Variants in XRCC6 observed in about 807,000 individuals in gnomAD.
The protein encoded by XRCC6 is X-ray repair cross complementing 6, also known as DNA repair protein Ku70.
In XRCC6, 5 loss-of-function variants were observed where a neutral mutation model predicts 65.7. The ratio of observed to expected loss-of-function variants is 0.08; its 90% CI spans 0.04 to 0.16. The LOEUF (loss-of-function observed/expected upper bound fraction) is 0.16. XRCC6 is among the 10% of genes least tolerant of loss of function. The pLI, the probability that XRCC6 is intolerant of heterozygous loss-of-function variation, is 1.00. For synonymous variants in XRCC6, 270 were observed against 270.6 expected (o/e 1.00, Z 0.02); for missense variants, 447 against 738.1 (o/e 0.61, Z 4.57).
Position 41,646,921 on chromosome 22 carries a change from A to G in XRCC6, c.799A>G (p.Ile267Val), listed in dbSNP as rs1283082601. The G allele has an allele frequency of 1.2e-6, 2 of 1,613,162 alleles. No individual in the cohort carries two copies. Among genetic ancestry groups the G allele is most frequent in the Admixed American group, 3.4e-5 (2 of 59,688 alleles). ...GTTAAAGCTGAAGCTCAACAAAGAT[A>G]TAGTGATCTCTGTGGGCATTTATAA... is the stretch of plus-strand genomic sequence containing the variant. ...SRLKLKLNKDIVISVGIYNLV... is the reference protein window; with the variant it reads ...SRLKLKLNKDVVISVGIYNLV... Residue 267 changes from isoleucine to valine, a missense_variant, in exon 7 of 13, where the codon ATA (isoleucine) becomes GTA (valine). By Grantham distance (29) the Ile-to-Val change is conservative. Transcript: ENST00000360079.
intron 3 of XRCC6, among the ~76,000 whole-genome samples, chr22:41,631,994 G>A (rs548775067): frequency 7.2e-5 from 11 of 152,256 alleles, no homozygotes; most frequent in Admixed American, 3.3e-4. Flanking sequence ...CAGGCGTGGC[G>A]GCACGCGCCT....
At chr22:41,642,393 C>A (rs552037054) in intron 6 of XRCC6, among the ~76,000 whole-genome samples, 2 of 152,078 alleles carry the variant, frequency 1.3e-5, no homozygotes, top group South Asian at 4.2e-4. Context: ...TGGATAGTTT[C>A]CAGATATTTT....
In XRCC6 at chr22:41,653,520, GT is replaced by G. The variant is rs752073967; in HGVS notation, c.1130-5del. On this transcript the variant is annotated splice_region_variant and splice_polypyrimidine_tract_variant and intron_variant, in intron 8 of 12. Coordinates refer to ENST00000360079, the MANE Select transcript of XRCC6 (RefSeq NM_001469.5). ...TAGGAGGCTAGTCACTGGGCTTTTT[GT>G]TTTCTAGGGAGCTCAACCCTGTTCA... 5 of 1,559,448 alleles carry G rather than the reference GT, an allele frequency of 3.2e-6. No individual in the cohort carries two copies. The highest frequency in any genetic ancestry group is 3.6e-5 in the Admixed American group (2 of 56,114).
At chr22:41,622,945 G>GAA (rs536296349) in intron 2 of XRCC6, among the ~76,000 whole-genome samples, 1 of 133,396 alleles carries the variant, frequency 7.5e-6, no homozygotes, top group Non-Finnish European at 1.6e-5. Context: ...ACTCTCTCAG[G>GAA]AAAAAAAAAA....
At chr22:41,629,808 T>G (rs2067719695) in intron 3 of XRCC6, among the ~76,000 whole-genome samples, 1 of 152,126 alleles carries the variant, frequency 6.6e-6, no homozygotes, top group Admixed American at 6.6e-5. Context: ...TAGCTGGGAC[T>G]ACAGGCACCT....
intron 2 of XRCC6, among the ~76,000 whole-genome samples, chr22:41,626,352 A>G (rs1348399378): frequency 6.6e-6 from 1 of 152,102 alleles, no homozygotes; most frequent in Non-Finnish European, 1.5e-5. Context: ...CATGTTGTCC[A>G]GGATGGTCTC....
chr22:41,650,904 G>C lies in XRCC6; in HGVS notation c.1129+13G>C. 1 of 1,613,908 alleles carries C rather than the reference G, an allele frequency of 6.2e-7. No individual in the cohort carries two copies. The highest frequency in any genetic ancestry group is 1.3e-5 in the African/African-American group (1 of 75,044). ...TCGCTGGTGATTGGTAAGTAGCGTG[G>C]ACCATGGATGAGTGACTCTAACACA... On this transcript the variant is annotated intron_variant, in intron 8 of 12. Transcript: ENST00000360079.
chr22:41,662,820 C>CACCT (rs907044125), intron 12 of XRCC6, among the ~76,000 whole-genome samples: 4 of 152,128 alleles, frequency 2.6e-5, no homozygotes, highest in African/African-American at 9.7e-5. Context: ...CGGTGGCTCA[C>CACCT]ACCTGTAATC....
chr22:41,626,830 CAG>C (rs2067681058), intron 2 of XRCC6, among the ~76,000 whole-genome samples: 1 of 151,678 alleles, frequency 6.6e-6, no homozygotes. Flanking sequence ...TTAGCAGAGA[CAG>C]GGTTTCACCG....
intron 3 of XRCC6, among the ~76,000 whole-genome samples, chr22:41,635,372 T>C (rs2067798230): frequency 2.6e-5 from 4 of 152,194 alleles, no homozygotes; most frequent in Admixed American, 2.6e-4. Flanking sequence ...GAGGGCCAAC[T>C]GTGTATATAA....
rs2067823968 is a variant in XRCC6, at chr22:41,637,686, T to C, written c.668T>C (p.Ile223Thr). ...ISLFYRDIIS[I>T]AEDEDLRVHF... Reference sequence around the variant, plus strand: ...TTGTTCTACAGAGATATCATCAGCATAGCAGAGGATGAGGACCTCAGGGTT... The same window carrying C: ...TTGTTCTACAGAGATATCATCAGCACAGCAGAGGATGAGGACCTCAGGGTT... Residue 223 changes from isoleucine (I) to threonine (T), a missense_variant, in exon 6 of 13, where the codon ATA becomes ACA. Transcript: ENST00000360079. 1.2e-6 allele frequency: 2 copies of C among 1,613,362 alleles called. No individual in the cohort carries two copies. Among genetic ancestry groups the C allele is most frequent in the Non-Finnish European group, 1.7e-6 (2 of 1,179,766 alleles).
At chr22:41,622,736 C>G (rs1388209169) in intron 2 of XRCC6, among the ~76,000 whole-genome samples, 4 of 152,086 alleles carry the variant, frequency 2.6e-5, no homozygotes, top group Non-Finnish European at 5.9e-5. Flanking sequence ...GTCAGGAGAT[C>G]AAGACCATCC....
At chr22:41,645,286 C>T (rs927013310) in intron 6 of XRCC6, among the ~76,000 whole-genome samples, 6 of 148,272 alleles carry the variant, frequency 4.0e-5, no homozygotes, top group African/African-American at 1.2e-4. Flanking sequence ...GCAACAAGAG[C>T]GAAACTCCAT....
At chr22:41,656,467 A>T (rs1448674641) in intron 9 of XRCC6, among the ~76,000 whole-genome samples, 1 of 151,752 alleles carries the variant, frequency 6.6e-6, no homozygotes, top group Non-Finnish European at 1.5e-5. Context: ...CAGCGAGCCG[A>T]GATTGCCCAC....
At chr22:41,644,133 C>A (rs980794458) in intron 6 of XRCC6, among the ~76,000 whole-genome samples, 1 of 151,954 alleles carries the variant, frequency 6.6e-6, no homozygotes, top group Non-Finnish European at 1.5e-5. Flanking sequence ...GGTGACAGAG[C>A]AAGACCCTGT....
At chr22:41,639,479 G>A (rs923150778) in intron 6 of XRCC6, among the ~76,000 whole-genome samples, 2 of 150,922 alleles carry the variant, frequency 1.3e-5, no homozygotes, top group African/African-American at 2.4e-5. Context: ...GACCACAGGC[G>A]TGTGCCACCA....
At chr22:41,635,826 T>G (rs28384726) in intron 3 of XRCC6, among the ~76,000 whole-genome samples, 11,000 of 152,172 alleles carry the variant, frequency 0.072, 967 homozygotes, top group African/African-American at 0.2. Context: ...GCTACAGATG[T>G]GAGCCACTGT....
At chr22:41,629,983 CTTTT>C (rs60191841) in intron 3 of XRCC6, among the ~76,000 whole-genome samples, 4 of 93,540 alleles carry the variant, frequency 4.3e-5, no homozygotes, top group African/African-American at 8.0e-5. Context: ...TGCATTTATG[CTTTT>C]TTTTTTTTTT....
At chr22:41,653,273 G>A (rs536935222) in intron 8 of XRCC6, among the ~76,000 whole-genome samples, 145 of 152,236 alleles carry the variant, frequency 9.5e-4, no homozygotes, top group African/African-American at 3.2e-3. Flanking sequence ...GTGTGGTGGT[G>A]TGTGACTGTA....
Sources: gnomAD v4.1 joint callset for allele counts (sites outside exome capture counted in the v4.1 genomes callset) on GRCh38, gnomAD v4.1.1 for gene constraint, MANE v1.5 for transcripts, NCBI Gene and HGNC (gene_info 2026-07-23, HGNC 2026-07-21) for gene names.